The following ATP13A4 variants were observed in gnomAD, a reference collection of about 807,000 sequenced individuals.
The protein encoded by ATP13A4 is ATPase 13A4, also known as probable cation-transporting ATPase 13A4.
In ATP13A4, 114 loss-of-function variants were observed where a neutral mutation model predicts 142.5. That is an observed-to-expected ratio of 0.80 (90% CI 0.69 to 0.93). The LOEUF is 0.93. Among genes scored for constraint, ATP13A4 ranks in the 40% least tolerant of loss-of-function variants. The pLI, the probability that ATP13A4 is intolerant of heterozygous loss-of-function variation, is 0.00. For missense variants in ATP13A4, 1,392 were observed against 1,454.0 expected (o/e 0.96, Z 0.69); for synonymous variants, 488 against 514.8 (o/e 0.95, Z 0.70).
chr3:193,410,540 T>C (rs1560168629), intron 28 of ATP13A4, among the ~76,000 whole-genome samples: 1 of 152,066 alleles, frequency 6.6e-6, no homozygotes, highest in Non-Finnish European at 1.5e-5. Context: ...TAGCAAGCCC[T>C]CATCTCTACA....
rs112253495 is a variant in ATP13A4, at chr3:193,514,720, T to C, written c.212A>G (p.Asp71Gly). Reference protein sequence around the residue: ...HCVPCSLQEADTVLLRTTDEF... With the variant: ...HCVPCSLQEAGTVLLRTTDEF... ...TACCGTTGTCCTCAGCAACACAGTG[T>C]CTGCTTCTTGCAAGGAACATGGGAC... is the stretch of plus-strand genomic sequence containing the variant. Residue 71 changes from aspartate to glycine, a missense_variant, in exon 2 of 30, where the codon GAC becomes GGC. Coordinates refer to ENST00000342695, the MANE Select transcript of ATP13A4 (RefSeq NM_032279.4). 6.2e-7 allele frequency: 1 copy of C among 1,614,164 alleles called. No homozygotes were observed. Among genetic ancestry groups the C allele is most frequent in the Admixed American group, 1.7e-5 (1 of 60,020 alleles).
chr3:193,470,227 C>T (rs969055547), intron 9 of ATP13A4, among the ~76,000 whole-genome samples: 1 of 152,184 alleles, frequency 6.6e-6, no homozygotes, highest in Non-Finnish European at 1.5e-5. Flanking sequence ...GGCAGTGTAA[C>T]CTTAAGCAAG....
chr3:193,448,625 T>C (rs7641601), intron 17 of ATP13A4, among the ~76,000 whole-genome samples: 16,591 of 152,202 alleles, frequency 0.11, 1,710 homozygotes, highest in African/African-American at 0.25. Flanking sequence ...CGTGAGCCAC[T>C]GCACCCAGCC....
chr3:193,403,454 A>G (rs939569347), intron 29 of ATP13A4, among the ~76,000 whole-genome samples: 46 of 152,158 alleles, frequency 3.0e-4, no homozygotes, highest in African/African-American at 1.1e-3. Context: ...TCCCTTCCTT[A>G]TGTTTGTTGT....
intron 2 of ATP13A4, among the ~76,000 whole-genome samples, chr3:193,503,259 A>T (rs1054903574): frequency 6.6e-6 from 1 of 152,204 alleles, no homozygotes; most frequent in Non-Finnish European, 1.5e-5. Context: ...GCCCAAGGTA[A>T]TTGCCAAGAT....
At chr3:193,512,444 T>A (rs1361073148) in intron 2 of ATP13A4, among the ~76,000 whole-genome samples, 1 of 152,226 alleles carries the variant, frequency 6.6e-6, no homozygotes, top group South Asian at 2.1e-4. Flanking sequence ...ATATACCATC[T>A]GAGCCATACA....
intron 1 of ATP13A4, among the ~76,000 whole-genome samples, chr3:193,517,642 G>A (rs560090743): frequency 8.8e-4 from 134 of 152,062 alleles, no homozygotes; most frequent in African/African-American, 3.1e-3. Flanking sequence ...CACCACGCCC[G>A]GCTAATTTTT....
At chr3:193,504,020 TGA>T (rs1553851730) in intron 2 of ATP13A4, among the ~76,000 whole-genome samples, 49,875 of 143,940 alleles carry the variant, frequency 0.35, 8,440 homozygotes, top group African/African-American at 0.41. Context: ...TGTGTGTGTG[TGA>T]GAGAGAGAGA....
At chr3:193,503,248 T>C (rs1406619447) in intron 2 of ATP13A4, among the ~76,000 whole-genome samples, 1 of 152,210 alleles carries the variant, frequency 6.6e-6, no homozygotes, top group Non-Finnish European at 1.5e-5. Context: ...GGACTGAACC[T>C]GCCCAAGGTA....
intron 27 of ATP13A4, among the ~76,000 whole-genome samples, chr3:193,411,871 G>A (rs1350818180): frequency 6.6e-6 from 1 of 152,166 alleles, no homozygotes; most frequent in Non-Finnish European, 1.5e-5. Flanking sequence ...GGTGAATTCT[G>A]ACAAGTACTG....
chr3:193,422,779 G>A (rs1382853194), intron 25 of ATP13A4, among the ~76,000 whole-genome samples: 1 of 149,472 alleles, frequency 6.7e-6, no homozygotes, highest in Non-Finnish European at 1.5e-5. Context: ...GAATAAAGAA[G>A]AAATAACAAA....
chr3:193,514,176 T>C (rs566130352), intron 2 of ATP13A4, among the ~76,000 whole-genome samples: 2 of 152,330 alleles, frequency 1.3e-5, no homozygotes, highest in Admixed American at 1.3e-4. Context: ...TAGATTATTT[T>C]GTTACCCATG....
rs140484262 is a variant in ATP13A4, at chr3:193,501,954, C to T, written c.381+539G>A. On this transcript the variant is annotated intron_variant, in intron 3 of 29. Transcript: ENST00000342695. ...GTTACATAGATTGTAATATGGGGAA[C>T]GATACTATTAGAGCTAATATGTAAG... Among the ~76,000 whole-genome samples the T allele has an allele frequency of 1.1e-3, 170 of 152,174 alleles. 1 individual carries two copies. The highest frequency in any genetic ancestry group is 2.3e-3 in the South Asian group (11 of 4,820).
At chr3:193,407,167 C>T in intron 29 of ATP13A4, 146 bp downstream of exon 29, 1 of 695,932 alleles carries the variant, frequency 1.4e-6, no homozygotes, top group Non-Finnish European at 2.6e-6. Flanking sequence ...GAGGAAGGCA[C>T]CATTGCTTAT....
intron 25 of ATP13A4, among the ~76,000 whole-genome samples, chr3:193,425,128 A>G (rs1715593180): frequency 6.6e-6 from 1 of 151,672 alleles, no homozygotes; most frequent in African/African-American, 2.4e-5. Context: ...CATCATTAAT[A>G]TCAGGGAAAT....
rs567422718 is a variant in ATP13A4, at chr3:193,419,326, G to A, written c.2843-4576C>T. ...CCTGCCCCTTGGAGCTTGAGATGAC[G>A]CTGTGCACTGCCTCCTGAAGAAACA... is the stretch of plus-strand genomic sequence containing the variant. On this transcript the variant is annotated intron_variant, in intron 25 of 29. Transcript: ENST00000342695. Among the ~76,000 whole-genome samples the A allele has an allele frequency of 2.5e-4, 37 of 150,158 alleles. 1 individual carries two copies. Among genetic ancestry groups the A allele is most frequent in the Non-Finnish European group, 3.8e-4 (26 of 67,838 alleles).
chr3:193,480,323 C>T (rs796545856), intron 8 of ATP13A4, among the ~76,000 whole-genome samples: 5 of 152,022 alleles, frequency 3.3e-5, no homozygotes, highest in South Asian at 2.1e-4. Context: ...AAGAAATAAC[C>T]AGCAGAATAA....
At chr3:193,432,112 G>T (rs1576954280) in intron 25 of ATP13A4, among the ~76,000 whole-genome samples, 1 of 87,236 alleles carries the variant, frequency 1.1e-5, no homozygotes, top group Non-Finnish European at 3.3e-5. Context: ...GAATGATCTA[G>T]TAAACAAGAG....
At chr3:193,435,549 T>C in intron 24 of ATP13A4, 99 bp downstream of exon 24, 1 of 951,948 alleles carries the variant, frequency 1.1e-6, no homozygotes, top group Non-Finnish European at 1.7e-6. Flanking sequence ...TGTTCAGATA[T>C]CCTATTTGTA....
Sources: allele counts gnomAD v4.1 joint callset (sites outside exome capture counted in the v4.1 genomes callset), GRCh38; gene constraint gnomAD v4.1.1; transcripts MANE v1.5; gene names NCBI Gene and HGNC (gene_info 2026-07-23, HGNC 2026-07-21).